MYT1L: variants seen among roughly 807,000 people sequenced by gnomAD.
MYT1L encodes the protein myelin transcription factor 1-like protein.
In MYT1L, 12 loss-of-function variants were observed where a neutral mutation model predicts 126.7. That is an observed-to-expected ratio of 0.09 (90% CI 0.06 to 0.15). MYT1L has a LOEUF of 0.15. MYT1L is among the 10% of genes least tolerant of loss of function. MYT1L has a pLI of 1.00. For synonymous variants in MYT1L, 541 were observed against 604.2 expected (o/e 0.90, Z 1.53); for missense variants, 979 against 1,585.2 (o/e 0.62, Z 6.49).
intron 2 of MYT1L, among the ~76,000 whole-genome samples, chr2:2,237,257 G>T (rs1559423101): frequency 6.6e-6 from 1 of 152,024 alleles, no homozygotes; most frequent in African/African-American, 2.4e-5. Context: ...TCCGTCTGAA[G>T]ATTTCAACTA....
chr2:1,798,054 C>A (rs2034063648), intron 23 of MYT1L, among the ~76,000 whole-genome samples: 1 of 60,572 alleles, frequency 1.7e-5, no homozygotes, highest in African/African-American at 6.8e-5. Context: ...CCCCCTTCTC[C>A]GGCACAGGCG....
At chr2:1,989,835 C>G (rs11127293) in intron 5 of MYT1L, among the ~76,000 whole-genome samples, 1 of 151,588 alleles carries the variant, frequency 6.6e-6, no homozygotes, top group Non-Finnish European at 1.5e-5. Context: ...CCGTCTCTAC[C>G]AAAAATACAA....
At position 1,790,916 on chromosome 2, in the gene MYT1L, T is replaced by C. The variant is rs1317763801; in HGVS notation, c.*951A>G. On this transcript the variant is annotated 3_prime_UTR_variant, in exon 25 of 25. Transcript: ENST00000647738. ...GCTTAAATCGAAAACACACAAATTC[T>C]GTTGATAAACTACATTGCAATAACA... 6.0e-6 allele frequency: 1 copy of C among 165,802 alleles called. No individual in the cohort carries two copies. The highest frequency in any genetic ancestry group is 2.4e-5 in the African/African-American group (1 of 41,732). The allele number at this position is 165,802 out of a possible 1,614,324, so 10.3% of individuals were successfully genotyped here. A position where few individuals can be genotyped will look rare whatever the true frequency, so the allele number is the denominator to read the frequency against.
chr2:2,197,883 A>G (rs1259844779), intron 2 of MYT1L, among the ~76,000 whole-genome samples: 1 of 151,804 alleles, frequency 6.6e-6, no homozygotes, highest in Non-Finnish European at 1.5e-5. Flanking sequence ...ACACATGCAC[A>G]CACACACAAC....
chr2:2,126,188 G>C (rs911155174), intron 3 of MYT1L, among the ~76,000 whole-genome samples: 8 of 152,136 alleles, frequency 5.3e-5, no homozygotes, highest in Non-Finnish European at 1.2e-4. Flanking sequence ...ATGTCTTTCT[G>C]GTCAAGCTGC....
Position 1,791,710 on chromosome 2 carries a change from C to A in MYT1L, c.*157G>T, listed in dbSNP as rs1572248844. On this transcript the variant is annotated 3_prime_UTR_variant, in exon 25 of 25. Transcript: ENST00000647738. The surrounding 1 kb of genome is among the most constrained non-coding windows in gnomAD (Gnocchi z 6.0). ...TCAAAAACTATTCTGCAGGTACTAT[C>A]TTTAAAGCAAGACATAAAATCATTA... 1 of 734,924 alleles carries A rather than the reference C, an allele frequency of 1.4e-6. No homozygotes were observed. 45.5% of individuals were successfully genotyped at this position (734,924 alleles called of 1,614,324 possible). A position where few individuals can be genotyped will look rare whatever the true frequency, so the allele number is the denominator to read the frequency against.
chr2:1,891,209 A>G (rs561250230), intron 15 of MYT1L, among the ~76,000 whole-genome samples: 6 of 152,318 alleles, frequency 3.9e-5, no homozygotes, highest in African/African-American at 1.4e-4. Context: ...TACAAGAACC[A>G]CTGTCAGTGT....
chr2:2,321,276 A>T (rs1339472483), intron 1 of MYT1L, among the ~76,000 whole-genome samples: 2 of 152,190 alleles, frequency 1.3e-5, no homozygotes, highest in Admixed American at 1.3e-4. Flanking sequence ...CCACCGGCAG[A>T]TGCGGCACTG....
intron 19 of MYT1L, among the ~76,000 whole-genome samples, chr2:1,845,302 G>C (rs141963047): frequency 6.6e-6 from 1 of 152,014 alleles, no homozygotes; most frequent in Non-Finnish European, 1.5e-5. Flanking sequence ...TAAAAGTGTC[G>C]TTTTCTTTTC....
intron 3 of MYT1L, among the ~76,000 whole-genome samples, chr2:2,172,313 G>A (rs886342592): frequency 4.6e-5 from 7 of 151,980 alleles, no homozygotes; most frequent in Non-Finnish European, 1.0e-4. Context: ...CCATTTCCAC[G>A]TGAGGGTCAT....
chr2:2,173,503 C>A (rs2090338730), intron 2 of MYT1L, among the ~76,000 whole-genome samples: 2 of 152,196 alleles, frequency 1.3e-5, no homozygotes, highest in African/African-American at 4.8e-5. Flanking sequence ...AAATTACCTT[C>A]ATTAATGGAA....
chr2:2,071,883 A>G (rs1192315134), intron 3 of MYT1L, among the ~76,000 whole-genome samples: 1 of 152,196 alleles, frequency 6.6e-6, no homozygotes, highest in Non-Finnish European at 1.5e-5. Context: ...AGAGGTGTAC[A>G]GAGACCAGAG....
intron 2 of MYT1L, among the ~76,000 whole-genome samples, chr2:2,276,408 A>G (rs1203570596): frequency 6.6e-6 from 1 of 152,232 alleles, no homozygotes; most frequent in Admixed American, 6.5e-5. Flanking sequence ...TGGATCAGAC[A>G]GTTCTTTAAA....
At position 2,309,774 on chromosome 2, in the gene MYT1L, A is replaced by T. The variant is rs146978119; in HGVS notation, c.-521+21193T>A. Among the ~76,000 whole-genome samples, 24 of 151,912 alleles carry T rather than the reference A, an allele frequency of 1.6e-4. No homozygotes were observed. In the East Asian group the frequency reaches 4.7e-3, roughly 29 times the overall value. On this transcript the variant is annotated intron_variant, in intron 1 of 24. Transcript: ENST00000647738. ...CTTCAGTATGCTCTGTCTATACTCC[A>T]CCTACACTTTAGTATACCCTATCTA...
chr2:2,240,444 T>A (rs1313449735), intron 2 of MYT1L, among the ~76,000 whole-genome samples: 1 of 152,168 alleles, frequency 6.6e-6, no homozygotes, highest in Non-Finnish European at 1.5e-5. Flanking sequence ...GATCAATGGA[T>A]AACAACATGG....
chr2:2,220,450 G>A (rs1386167268), intron 2 of MYT1L, among the ~76,000 whole-genome samples: 1 of 152,078 alleles, frequency 6.6e-6, no homozygotes, highest in East Asian at 1.9e-4. Context: ...GATTGTGGAG[G>A]CTAAGGTTCT....
At chr2:1,973,459 T>C (rs1458085078) in intron 8 of MYT1L, among the ~76,000 whole-genome samples, 2 of 152,204 alleles carry the variant, frequency 1.3e-5, no homozygotes, top group Admixed American at 6.5e-5. Context: ...AACAGTATTT[T>C]ATATCAACAT....
chr2:2,240,407 G>A (rs2149133260), intron 2 of MYT1L, among the ~76,000 whole-genome samples: 1 of 151,908 alleles, frequency 6.6e-6, no homozygotes, highest in East Asian at 1.9e-4. Flanking sequence ...TAAAAAAAAA[G>A]AAATGTAAAT....
At chr2:1,921,478 T>C (rs1182020944) in intron 10 of MYT1L, among the ~76,000 whole-genome samples, 1 of 152,158 alleles carries the variant, frequency 6.6e-6, no homozygotes, top group Non-Finnish European at 1.5e-5. Flanking sequence ...GCTAAATACA[T>C]TGACATATGC....
Sources: allele counts gnomAD v4.1 joint callset (sites outside exome capture counted in the v4.1 genomes callset), GRCh38; gene constraint gnomAD v4.1.1; non-coding constraint Gnocchi (gnomAD v3.1); transcripts MANE v1.5; gene names NCBI Gene and HGNC (gene_info 2026-07-23, HGNC 2026-07-21).